EIF4ENIF1: variants seen among roughly 807,000 people sequenced by gnomAD.
EIF4ENIF1 encodes eukaryotic translation initiation factor 4E nuclear import factor 1.
EIF4ENIF1 carries 23 observed loss-of-function variants against 110.5 expected under a neutral mutation model. The observed-to-expected ratio is 0.21, with a 90% CI of 0.15 to 0.29. EIF4ENIF1 has a LOEUF of 0.29. Ranked by LOEUF, EIF4ENIF1 falls within the 10% of genes least tolerant of loss-of-function variation. EIF4ENIF1 has a pLI of 1.00. For synonymous variants in EIF4ENIF1, 440 were observed against 437.0 expected (o/e 1.01, Z -0.09); for missense variants, 1,031 against 1,221.1 (o/e 0.84, Z 2.32).
intron 2 of EIF4ENIF1, among the ~76,000 whole-genome samples, chr22:31,475,863 G>GA (rs1301991243): frequency 1.4e-5 from 2 of 146,530 alleles, no homozygotes; most frequent in South Asian, 2.1e-4. Flanking sequence ...CTCAAAAAAA[G>GA]AAAAAAACAA....
intron 2 of EIF4ENIF1, among the ~76,000 whole-genome samples, chr22:31,485,953 C>CA (rs201549013): frequency 0.011 from 1,591 of 149,306 alleles, 27 homozygotes; most frequent in African/African-American, 0.028. Flanking sequence ...ACTAAAAATA[C>CA]AAAAAAAAAT....
rs1266125045 is a variant in EIF4ENIF1, at chr22:31,464,687, AAAAAAAAAAAAAAT to A, written c.299-734_299-721del. On this transcript the variant is annotated intron_variant, in intron 4 of 18. Coordinates refer to ENST00000330125, the MANE Select transcript of EIF4ENIF1 (RefSeq NM_019843.4). ...TAAGATTCAGTCTCAAAAAAAAAAAAAAAAAAAAAAAAATATATATATATATATATATATATATA... is the reference window on the plus strand; with the variant it reads ...TAAGATTCAGTCTCAAAAAAAAAAAAATATATATATATATATATATATATA... 2.3e-3 allele frequency among the ~76,000 whole-genome samples: 80 copies of A among 35,262 alleles called. 4 individuals carry two copies. The highest frequency in any genetic ancestry group is 7.2e-3 in the Non-Finnish European group (74 of 10,208). 23.1% of individuals were successfully genotyped at this position (35,262 alleles called of 152,430 possible).
chr22:31,444,474 A>T, intron 15 of EIF4ENIF1, 132 bp downstream of exon 15: 1 of 833,708 alleles, frequency 1.2e-6, no homozygotes, highest in African/African-American at 1.7e-5. Context: ...ATAGACAGTT[A>T]TGAAAAACTA....
intron 4 of EIF4ENIF1, 32 bp from the exon 5 acceptor site, chr22:31,463,999 A>G: frequency 6.3e-7 from 1 of 1,591,476 alleles, no homozygotes; most frequent in Non-Finnish European, 8.5e-7. Context: ...AAAGTTAAAC[A>G]AACCAACAAG....
intron 10 of EIF4ENIF1, chr22:31,453,435 C>T (rs764631833): frequency 5.2e-5 from 17 of 329,128 alleles, no homozygotes; most frequent in South Asian, 2.4e-4. Flanking sequence ...AGTGCAGTGG[C>T]GTGACCTCGG....
upstream of EIF4ENIF1, among the ~76,000 whole-genome samples, chr22:31,492,159 CAG>C (rs974459918): frequency 1.3e-5 from 2 of 152,164 alleles, no homozygotes; most frequent in Admixed American, 6.5e-5. Context: ...CTTGAAATAT[CAG>C]GGCTGGATTC....
Position 31,456,331 on chromosome 22 carries a change from C to T in EIF4ENIF1, c.964-344G>A, listed in dbSNP as rs1004797692. On this transcript the variant is annotated intron_variant, in intron 7 of 18. Coordinates refer to ENST00000330125, the MANE Select transcript of EIF4ENIF1 (RefSeq NM_019843.4). Reference sequence around the variant, plus strand: ...CTCCGCCTCCCGGGTTCACACCATTCTCCTGCCTCAGCCTCCTGAGTAGCT... The same window carrying T: ...CTCCGCCTCCCGGGTTCACACCATTTTCCTGCCTCAGCCTCCTGAGTAGCT... Among the ~76,000 whole-genome samples the T allele has an allele frequency of 8.6e-4, 130 of 150,776 alleles. 3 individuals are homozygous for T. Among genetic ancestry groups the T allele is most frequent in the Non-Finnish European group, 7.1e-4 (48 of 67,866 alleles).
chr22:31,443,263 T>C (rs1490694259), intron 15 of EIF4ENIF1, 169 bp from the exon 16 acceptor site: 1 of 882,208 alleles, frequency 1.1e-6, no homozygotes, highest in Non-Finnish European at 1.7e-6. Flanking sequence ...ATGGGGCAAA[T>C]AGGCAGTGTC....
intron 11 of EIF4ENIF1, 37 bp downstream of exon 11, chr22:31,450,252 C>A (rs1569072039): frequency 1.9e-6 from 3 of 1,579,604 alleles, no homozygotes; most frequent in Admixed American, 3.4e-5. Context: ...GACTACTGTT[C>A]AAGACTCCAA....
intron 6 of EIF4ENIF1, 134 bp downstream of exon 6, chr22:31,462,798 G>A: frequency 1.2e-6 from 1 of 840,440 alleles, no homozygotes; most frequent in Middle Eastern, 3.6e-4. Context: ...GGCCAGGCTG[G>A]TCTCAAACTC....
At position 31,471,848 on chromosome 22, in the gene EIF4ENIF1, C is replaced by T. The variant is rs2051391193; in HGVS notation, c.166G>A (p.Asp56Asn). Residue 56 changes from aspartate to asparagine, a missense_variant, in exon 3 of 19, where the codon GAC (aspartate) becomes AAC (asparagine). Asp to Asn is a conservative substitution (Grantham distance 23, BLOSUM62 1). Around this residue, in one of 3 missense-constraint regions of EIF4ENIF1, gnomAD observed 704 missense variants for 879.7 expected, o/e 0.80. Coordinates refer to ENST00000330125, the MANE Select transcript of EIF4ENIF1 (RefSeq NM_019843.4). ...GGACTAGAATGACACACATACCTGT[C>T]ATATTTTTCAGAAAGGCATGAAGGC... ...QRPSCLSEKY[D>N]SDGVWDPEKW... 6.2e-7 allele frequency: 1 copy of T among 1,603,320 alleles called. No individual in the cohort carries two copies. Among genetic ancestry groups the T allele is most frequent in the Non-Finnish European group, 8.5e-7 (1 of 1,176,762 alleles).
Position 31,486,420 on chromosome 22 carries a change from C to A in EIF4ENIF1, c.96+2203G>T, listed in dbSNP as rs769975536. 9.9e-5 allele frequency among the ~76,000 whole-genome samples: 15 copies of A among 151,352 alleles called. 1 individual carries two copies. The highest frequency in any genetic ancestry group is 1.5e-5 in the Non-Finnish European group (1 of 67,910). Reference sequence around the variant, plus strand: ...CAGAGGTTGCAGTGAGCCGAGATTGCACCACTACACTCCAGCCTGGGCGAC... The same window carrying A: ...CAGAGGTTGCAGTGAGCCGAGATTGAACCACTACACTCCAGCCTGGGCGAC... On this transcript the variant is annotated intron_variant, in intron 2 of 18. Coordinates refer to ENST00000330125, the MANE Select transcript of EIF4ENIF1 (RefSeq NM_019843.4).
intron 3 of EIF4ENIF1, among the ~76,000 whole-genome samples, chr22:31,470,213 A>T (rs1011822907): frequency 2.2e-4 from 33 of 147,654 alleles, no homozygotes; most frequent in African/African-American, 7.5e-4. Context: ...GGCTATAGCC[A>T]TTATTCAAGT....
intron 7 of EIF4ENIF1, among the ~76,000 whole-genome samples, chr22:31,457,307 A>G (rs1467484899): frequency 6.6e-6 from 1 of 152,236 alleles, no homozygotes; most frequent in African/African-American, 2.4e-5. Context: ...ATTATGAAAT[A>G]GTGCCAATCT....
chr22:31,487,693 G>T (rs1320763081), intron 2 of EIF4ENIF1, among the ~76,000 whole-genome samples: 1 of 150,814 alleles, frequency 6.6e-6, no homozygotes, highest in Admixed American at 6.6e-5. Flanking sequence ...AGGAGACTGA[G>T]ATGGGAGGAT....
intron 18 of EIF4ENIF1, 122 bp from the exon 19 acceptor site, chr22:31,440,243 GA>G: frequency 1.4e-6 from 2 of 1,407,772 alleles, no homozygotes; most frequent in Non-Finnish European, 9.7e-7. Context: ...GGCTTCTTTA[GA>G]AACTCCTTTG....
At chr22:31,478,608 G>A (rs937013285) in intron 2 of EIF4ENIF1, among the ~76,000 whole-genome samples, 4 of 151,482 alleles carry the variant, frequency 2.6e-5, no homozygotes, top group East Asian at 1.9e-4. Context: ...ACGAGGTCAC[G>A]AGATCGAGAC....
intron 2 of EIF4ENIF1, among the ~76,000 whole-genome samples, chr22:31,474,381 G>A (rs898241028): frequency 3.3e-5 from 5 of 151,976 alleles, no homozygotes; most frequent in African/African-American, 4.8e-5. Flanking sequence ...TTTTCTGTTG[G>A]TCTATAACTC....
chr22:31,447,359 T>G, intron 14 of EIF4ENIF1, 67 bp downstream of exon 14: 1 of 1,585,944 alleles, frequency 6.3e-7, no homozygotes, highest in Non-Finnish European at 8.6e-7. Context: ...ATACTGCAGA[T>G]AAGTAATTTA....
Sources: allele counts gnomAD v4.1 joint callset (sites outside exome capture counted in the v4.1 genomes callset), GRCh38; gene constraint gnomAD v4.1.1; regional missense constraint gnomAD v4.1.1; transcripts MANE v1.5; gene names NCBI Gene and HGNC (gene_info 2026-07-23, HGNC 2026-07-21).